Variants in PCDHGB3 observed in about 807,000 individuals in gnomAD.
PCDHGB3 encodes protocadherin gamma subfamily B, 3.
In PCDHGB3, 40 loss-of-function variants were observed where a neutral mutation model predicts 59.2. The observed-to-expected ratio is 0.68, with a 90% confidence interval of 0.52 to 0.88. The LOEUF (loss-of-function observed/expected upper bound fraction) is 0.88, where lower values mean the gene tolerates loss of function less well. Among genes scored for constraint, PCDHGB3 ranks in the 40% least tolerant of loss-of-function variants. The pLI is 0.00. For synonymous variants in PCDHGB3, 581 were observed against 503.6 expected, an observed-to-expected ratio of 1.15 and a Z score of -2.06; for missense variants, 1,309 against 1,187.9, an observed-to-expected ratio of 1.10 and a Z score of -1.50.
intron 1 of PCDHGB3, chr5:141,375,937 A>G (rs777064247): frequency 1.5e-5 from 24 of 1,613,516 alleles, no homozygotes; most frequent in African/African-American, 6.7e-5. Flanking sequence ...GACTTTTCTC[A>G]GTGGGCCTGC....
chr5:141,475,644 A>C (rs1021491842), intron 1 of PCDHGB3, among the ~76,000 whole-genome samples: 2 of 152,238 alleles, frequency 1.3e-5, no homozygotes, highest in Non-Finnish European at 2.9e-5. Context: ...TCTTGTGATC[A>C]AAGAAAGTGA....
At chr5:141,414,904 A>G in intron 1 of PCDHGB3, 2 of 1,614,190 alleles carry the variant, frequency 1.2e-6, no homozygotes, top group Non-Finnish European at 1.7e-6. Context: ...AGACGGTTCC[A>G]CAGGCGTGGA....
intron 1 of PCDHGB3, among the ~76,000 whole-genome samples, chr5:141,381,395 C>T (rs1588899901): frequency 6.6e-6 from 1 of 152,328 alleles, no homozygotes; most frequent in South Asian, 2.1e-4. Flanking sequence ...TAGTTTTACT[C>T]TATCAACATC....
rs62379205 is a variant in PCDHGB3, at chr5:141,491,971, T to G, written c.2416-2836T>G. On this transcript the variant is annotated intron_variant, in intron 1 of 3. Coordinates refer to ENST00000576222, the MANE Select transcript of PCDHGB3 (RefSeq NM_018924.5). This position sits in a 1 kb window ranked among gnomAD's most constrained non-coding sequence, Gnocchi z 6.9. ...CCTACACTCAAAAAAGGCCGGGGCC[T>G]CCTTCGAGCTTCCGGTGAATTTCGG... The G allele has an allele frequency of 3.6e-6, 3 of 831,948 alleles. No homozygotes were observed. Among genetic ancestry groups the G allele is most frequent in the Admixed American group, 3.7e-5 (1 of 26,692 alleles). The allele number at this position is 831,948 out of a possible 1,614,324, so 51.5% of individuals were successfully genotyped here.
intron 1 of PCDHGB3, chr5:141,468,354 GA>G (rs910554966): frequency 7.0e-6 from 1 of 143,440 alleles, no homozygotes. Context: ...AAAAAAGAAA[GA>G]AAAAAGAAAT....
chr5:141,419,494 T>A, intron 1 of PCDHGB3: 1 of 1,612,380 alleles, frequency 6.2e-7, no homozygotes, highest in Non-Finnish European at 8.5e-7. Context: ...TCAGCGCCAA[T>A]GTGAGCCTGC....
chr5:141,418,339 T>G (rs779598961), intron 1 of PCDHGB3: 2 of 1,614,012 alleles, frequency 1.2e-6, no homozygotes, highest in Non-Finnish European at 1.7e-6. Context: ...CAGAAGATCC[T>G]GATATTAGTA....
intron 1 of PCDHGB3, chr5:141,400,431 A>G (rs542969819): frequency 3.0e-5 from 48 of 1,614,034 alleles, no homozygotes; most frequent in African/African-American, 1.1e-4. Context: ...GTAGTGAGCA[A>G]TTGAGTTCAG....
intron 1 of PCDHGB3, among the ~76,000 whole-genome samples, chr5:141,387,171 G>A (rs1194101631): frequency 6.6e-6 from 1 of 152,156 alleles, no homozygotes; most frequent in Non-Finnish European, 1.5e-5. Flanking sequence ...AGTATAAATT[G>A]CACCTTCTAA....
intron 1 of PCDHGB3, among the ~76,000 whole-genome samples, chr5:141,456,733 G>A (rs1186997201): frequency 6.6e-6 from 1 of 152,182 alleles, no homozygotes; most frequent in Non-Finnish European, 1.5e-5. Context: ...GGGAGGCTGA[G>A]GCGGGAGCAT....
At position 141,395,074 on chromosome 5, in the gene PCDHGB3, C is replaced by T. The variant is rs368699767; in HGVS notation, c.2415+22265C>T. The T allele has an allele frequency of 3.9e-5, 63 of 1,614,048 alleles. No homozygotes were observed. The African/African-American group carries it at 6.0e-4, about 15-fold the overall frequency. Reference sequence around the variant, plus strand: ...GTACAGGCTTTCCTGCAGACCTATTCCCAGGAAGTCTCCCTCACCGCCGAC... The same window carrying T: ...GTACAGGCTTTCCTGCAGACCTATTTCCAGGAAGTCTCCCTCACCGCCGAC... On this transcript the variant is annotated intron_variant, in intron 1 of 3. Transcript: ENST00000576222.
intron 3 of PCDHGB3, among the ~76,000 whole-genome samples, chr5:141,509,429 T>G (rs2099876771): frequency 6.6e-6 from 1 of 151,964 alleles, no homozygotes; most frequent in Non-Finnish European, 1.5e-5. Context: ...TGAGTCAAAC[T>G]CTTGTTTCCT....
chr5:141,486,361 C>T lies in PCDHGB3; in HGVS notation c.2416-8446C>T. 1.2e-6 allele frequency: 2 copies of T among 1,614,086 alleles called. No individual in the cohort carries two copies. The highest frequency in any genetic ancestry group is 1.7e-6 in the Non-Finnish European group (2 of 1,179,994). On this transcript the variant is annotated intron_variant, in intron 1 of 3. Coordinates refer to ENST00000576222, the MANE Select transcript of PCDHGB3 (RefSeq NM_018924.5). This position sits in a 1 kb window ranked among gnomAD's most constrained non-coding sequence, Gnocchi z 5.0. ...GCATTCCTGACCACTTGCCATTTGCCCTCAAGTCTGCCTTCAGGAACCAGT... is the reference window on the plus strand; with the variant it reads ...GCATTCCTGACCACTTGCCATTTGCTCTCAAGTCTGCCTTCAGGAACCAGT...
Position 141,489,119 on chromosome 5 carries a change from C to T in PCDHGB3, c.2416-5688C>T, listed in dbSNP as rs1236074950. The T allele has an allele frequency of 2.0e-5, 13 of 650,240 alleles. No individual in the cohort carries two copies. Among genetic ancestry groups the T allele is most frequent in the African/African-American group, 9.1e-5 (5 of 55,178 alleles). 40.3% of individuals were successfully genotyped at this position (650,240 alleles called of 1,614,324 possible). ...GAACTGCTGCAAGCAGGCAAACCTC[C>T]GAGCAGTTTTTAAGAGGCTGGAAGG... On this transcript the variant is annotated intron_variant, in intron 1 of 3. Coordinates refer to ENST00000576222, the MANE Select transcript of PCDHGB3 (RefSeq NM_018924.5). This position sits in a 1 kb window ranked among gnomAD's most constrained non-coding sequence, Gnocchi z 4.5.
At chr5:141,415,739 G>GTT (rs1561759437) in intron 1 of PCDHGB3, 11 of 435,132 alleles carry the variant, frequency 2.5e-5, no homozygotes, top group African/African-American at 1.6e-4. Flanking sequence ...TGTTTATTAA[G>GTT]GTTTTTTTTT....
Position 141,386,707 on chromosome 5 carries a change from T to C in PCDHGB3, c.2415+13898T>C, listed in dbSNP as rs577728957. Among the ~76,000 whole-genome samples, 44 of 152,320 alleles carry C rather than the reference T, an allele frequency of 2.9e-4. No homozygotes were observed. The South Asian group carries it at 9.1e-3, about 32-fold the overall frequency. On this transcript the variant is annotated intron_variant, in intron 1 of 3. Transcript: ENST00000576222. ...AATCACTTGGGGTAGAAGACAATGT[T>C]GCTGACACCAACAATGTTACTGAGG... is the stretch of plus-strand genomic sequence containing the variant.
chr5:141,423,434 T>C, intron 1 of PCDHGB3: 1 of 1,614,036 alleles, frequency 6.2e-7, no homozygotes, highest in Non-Finnish European at 8.5e-7. Flanking sequence ...TTGGCAGGTA[T>C]GCCCACGTCA....
chr5:141,377,364 A>C (rs1163264209), intron 1 of PCDHGB3: 2 of 152,154 alleles, frequency 1.3e-5, no homozygotes, highest in Non-Finnish European at 2.9e-5. Flanking sequence ...CCACCTCTTC[A>C]GGAGGCTGAG....
At chr5:141,374,079 C>A in intron 1 of PCDHGB3, 2 of 1,518,304 alleles carry the variant, frequency 1.3e-6, no homozygotes, top group Non-Finnish European at 1.8e-6. Flanking sequence ...CCTAATAAGC[C>A]AGTAATGGCG....
Sources: gnomAD v4.1 joint callset for allele counts (sites outside exome capture counted in the v4.1 genomes callset) on GRCh38, gnomAD v4.1.1 for gene constraint, Gnocchi (gnomAD v3.1) non-coding constraint, MANE v1.5 for transcripts, NCBI Gene and HGNC (gene_info 2026-07-23, HGNC 2026-07-21) for gene names.